The following GALNT17 variants were observed in gnomAD, a reference collection of about 807,000 sequenced individuals.
GALNT17 encodes the protein UDP-GalNAc:polypeptide N-acetylgalactosaminyltransferase-like 3.
Under a neutral mutation model 63.7 loss-of-function variants are expected in GALNT17, and 29 were observed. That is an observed-to-expected ratio of 0.46 (90% CI 0.34 to 0.62). The LOEUF is 0.62. Among genes scored for constraint, GALNT17 ranks in the 20% least tolerant of loss-of-function variants. The probability of loss-of-function intolerance (pLI) is 0.01; values close to 1 mark genes in which losing one functional copy is unlikely to be tolerated. For synonymous variants in GALNT17, 305 were observed against 318.3 expected, an observed-to-expected ratio of 0.96 and a Z score of 0.45; for missense variants, 603 against 799.6, an observed-to-expected ratio of 0.75 and a Z score of 2.97.
At chr7:71,160,013 G>C (rs1788312994) in intron 1 of GALNT17, among the ~76,000 whole-genome samples, 1 of 152,028 alleles carries the variant, frequency 6.6e-6, no homozygotes, top group African/African-American at 2.4e-5. Context: ...TCGAACTCCT[G>C]ACCTCAGGTG....
chr7:71,567,573 TC>T (rs1789370357), intron 5 of GALNT17, among the ~76,000 whole-genome samples: 1 of 152,240 alleles, frequency 6.6e-6, no homozygotes, highest in Non-Finnish European at 1.5e-5. Flanking sequence ...CAAGCGATTC[TC>T]CTGCCTTAGC....
chr7:71,385,153 G>A (rs1195144404), intron 2 of GALNT17, among the ~76,000 whole-genome samples: 1 of 152,094 alleles, frequency 6.6e-6, no homozygotes, highest in Non-Finnish European at 1.5e-5. Flanking sequence ...AGCCAGGAAG[G>A]CCTGCAGATC....
intron 2 of GALNT17, among the ~76,000 whole-genome samples, chr7:71,378,040 C>A (rs1010312789): frequency 7.9e-5 from 12 of 152,162 alleles, no homozygotes. Flanking sequence ...TTTGCTGGGG[C>A]TCCATAGACC....
chr7:71,213,453 GT>G (rs373934004), intron 1 of GALNT17, among the ~76,000 whole-genome samples: 57 of 133,926 alleles, frequency 4.3e-4, no homozygotes, highest in African/African-American at 1.3e-3. Flanking sequence ...GATGTTTATG[GT>G]TTTATAAATA....
Position 71,270,538 on chromosome 7 carries a change from C to CAAAAAAA in GALNT17, c.239-64995_239-64989dup, listed in dbSNP as rs573250852. Among the ~76,000 whole-genome samples the CAAAAAAA allele has an allele frequency of 3.4e-5, 3 of 89,204 alleles. 1 individual carries two copies. The highest frequency in any genetic ancestry group is 6.2e-5 in the Non-Finnish European group (3 of 48,296). 58.5% of individuals were successfully genotyped at this position (89,204 alleles called of 152,430 possible). On this transcript the variant is annotated intron_variant, in intron 1 of 10. Coordinates refer to ENST00000333538, the MANE Select transcript of GALNT17 (RefSeq NM_022479.3). ...AGACTACGTACCCTCCCCACCCCACCAAAAAAAAAAAAAAAAAAAAAAAGA... is the reference window on the plus strand; with the variant it reads ...AGACTACGTACCCTCCCCACCCCACCAAAAAAAAAAAAAAAAAAAAAAAAAAAAAAGA...
At position 71,201,582 on chromosome 7, in the gene GALNT17, T is replaced by C. The variant is rs770745334; in HGVS notation, c.238+68542T>C. Among the ~76,000 whole-genome samples the C allele has an allele frequency of 5.1e-4, 78 of 151,984 alleles. 1 individual carries two copies. Among genetic ancestry groups the C allele is most frequent in the Admixed American group, 2.6e-4 (4 of 15,244 alleles). On this transcript the variant is annotated intron_variant, in intron 1 of 10. Coordinates refer to ENST00000333538, the MANE Select transcript of GALNT17 (RefSeq NM_022479.3). The stretch of plus-strand genomic sequence containing the variant: ...TTTTTCTCCATTTTTTTTGGTTTGA[T>C]TTCTGTCCTAATGCATGAAATTATA...
At chr7:71,647,229 A>ATTTT (rs5884850) in intron 6 of GALNT17, among the ~76,000 whole-genome samples, 31 of 137,504 alleles carry the variant, frequency 2.3e-4, no homozygotes, top group African/African-American at 4.7e-4. Context: ...GTGCCCAGCT[A>ATTTT]TTTTTTTTTT....
chr7:71,219,567 A>AT (rs768158641), intron 1 of GALNT17, among the ~76,000 whole-genome samples: 9 of 151,900 alleles, frequency 5.9e-5, no homozygotes, highest in Admixed American at 1.3e-4. Flanking sequence ...GGAGTTTTAA[A>AT]TTTTTTGTTA....
intron 1 of GALNT17, among the ~76,000 whole-genome samples, chr7:71,249,377 T>C (rs1047080583): frequency 1.3e-5 from 2 of 152,224 alleles, no homozygotes; most frequent in South Asian, 2.1e-4. Flanking sequence ...TCTCTCACCT[T>C]TTTTGGATTG....
At chr7:71,153,001 T>C (rs1357493931) in intron 1 of GALNT17, among the ~76,000 whole-genome samples, 1 of 152,092 alleles carries the variant, frequency 6.6e-6, no homozygotes, top group Non-Finnish European at 1.5e-5. Context: ...TAACCTTCCA[T>C]AGAGAAAGTT....
At chr7:71,479,999 A>G (rs1203380274) in intron 5 of GALNT17, among the ~76,000 whole-genome samples, 1 of 152,078 alleles carries the variant, frequency 6.6e-6, no homozygotes, top group Admixed American at 6.6e-5. Flanking sequence ...GAGCAGCTCT[A>G]TCCTTTGAGA....
At chr7:71,448,379 G>T (rs1563100521) in intron 5 of GALNT17, among the ~76,000 whole-genome samples, 1 of 151,740 alleles carries the variant, frequency 6.6e-6, no homozygotes, top group Non-Finnish European at 1.5e-5. Flanking sequence ...GTGTGTGTGT[G>T]GTCTCTATTT....
intron 1 of GALNT17, among the ~76,000 whole-genome samples, chr7:71,281,043 G>T (rs1456697743): frequency 1.3e-5 from 2 of 152,202 alleles, no homozygotes; most frequent in African/African-American, 4.8e-5. Flanking sequence ...GCACAGAAAT[G>T]CATAAAGGCA....
At chr7:71,693,437 G>A (rs1292840456) in intron 9 of GALNT17, among the ~76,000 whole-genome samples, 2 of 151,716 alleles carry the variant, frequency 1.3e-5, no homozygotes, top group African/African-American at 4.8e-5. Flanking sequence ...TTAAAAAAAT[G>A]TGGTGCATAT....
At chr7:71,543,037 TAAA>T (rs1554306349) in intron 5 of GALNT17, among the ~76,000 whole-genome samples, 1 of 130,770 alleles carries the variant, frequency 7.6e-6, no homozygotes, top group Non-Finnish European at 1.7e-5. Context: ...TGACCTTTGT[TAAA>T]AAAAAAAAAA....
chr7:71,200,919 T>A lies in GALNT17; in HGVS notation c.238+67879T>A, dbSNP rs1585877224. 2.6e-5 allele frequency among the ~76,000 whole-genome samples: 4 copies of A among 152,202 alleles called. 1 individual carries two copies. The highest frequency in any genetic ancestry group is 2.6e-4 in the Admixed American group (4 of 15,282). On this transcript the variant is annotated intron_variant, in intron 1 of 10. Coordinates refer to ENST00000333538, the MANE Select transcript of GALNT17 (RefSeq NM_022479.3). ...TTTAAAATAATTACTTACGTACATT[T>A]ATATGATGTTATTTATATGTATTAT...
At position 71,658,556 on chromosome 7, in the gene GALNT17, C is replaced by T. The variant is rs187754554; in HGVS notation, c.1081-6855C>T. Among the ~76,000 whole-genome samples, 669 of 152,196 alleles carry T rather than the reference C, an allele frequency of 4.4e-3. 2 individuals are homozygous for T. The highest frequency in any genetic ancestry group is 0.015 in the African/African-American group (636 of 41,536). On this transcript the variant is annotated intron_variant, in intron 6 of 10. Transcript: ENST00000333538. ...TCATTCATAACCCTCCTTCTCCTTCCAAGCCATATCCAATCTATTGTTGAT... is the reference window on the plus strand; with the variant it reads ...TCATTCATAACCCTCCTTCTCCTTCTAAGCCATATCCAATCTATTGTTGAT...
chr7:71,216,142 A>G (rs538160401), intron 1 of GALNT17, among the ~76,000 whole-genome samples: 2 of 152,218 alleles, frequency 1.3e-5, no homozygotes, highest in Non-Finnish European at 2.9e-5. Context: ...ACTTGAGTCC[A>G]GGAACTAGAG....
chr7:71,183,935 A>G (rs2116319821), intron 1 of GALNT17, among the ~76,000 whole-genome samples: 1 of 152,234 alleles, frequency 6.6e-6, no homozygotes, highest in East Asian at 1.9e-4. Flanking sequence ...GGACAACCAC[A>G]TCTTCACTAA....
Sources: allele counts gnomAD v4.1 joint callset (sites outside exome capture counted in the v4.1 genomes callset), GRCh38; gene constraint gnomAD v4.1.1; transcripts MANE v1.5; gene names NCBI Gene and HGNC (gene_info 2026-07-23, HGNC 2026-07-21).